The following CDH18 variants were observed in gnomAD, a reference collection of about 807,000 sequenced individuals.
CDH18 encodes the protein cadherin 18.
Under a neutral mutation model 67.9 loss-of-function variants are expected in CDH18, and 31 were observed. The ratio of observed to expected loss-of-function variants is 0.46; its 90% CI spans 0.34 to 0.62. The LOEUF (loss-of-function observed/expected upper bound fraction) is 0.62, where lower values mean the gene tolerates loss of function less well. Ranked by LOEUF, CDH18 falls within the 20% of genes least tolerant of loss-of-function variation. The probability of loss-of-function intolerance (pLI) is 0.01; values close to 1 mark genes in which losing one functional copy is unlikely to be tolerated. For synonymous variants in CDH18, 362 were observed against 347.2 expected, an observed-to-expected ratio of 1.04 and a Z score of -0.48; for missense variants, 890 against 975.5, an observed-to-expected ratio of 0.91 and a Z score of 1.17.
intron 2 of CDH18, among the ~76,000 whole-genome samples, chr5:20,123,339 G>C (rs1288399720): frequency 3.3e-5 from 5 of 152,144 alleles, no homozygotes; most frequent in African/African-American, 1.2e-4. Flanking sequence ...GAGAACGCTG[G>C]AGGCTGTGTT....
intron 1 of CDH18, among the ~76,000 whole-genome samples, chr5:20,352,624 CAAAAAAAA>C (rs35947411): frequency 2.2e-5 from 2 of 89,118 alleles, no homozygotes; most frequent in African/African-American, 7.6e-5. Context: ...ACTAAAAATA[CAAAAAAAA>C]AAAAAAAAAA....
At chr5:20,377,156 C>T (rs146257463) in intron 1 of CDH18, among the ~76,000 whole-genome samples, 2,219 of 152,212 alleles carry the variant, frequency 0.015, 53 homozygotes, top group African/African-American at 0.05. Context: ...GGTTTCAATA[C>T]CATTTTTCAA....
intron 1 of CDH18, among the ~76,000 whole-genome samples, chr5:20,410,319 G>T (rs1479886381): frequency 6.6e-6 from 1 of 151,772 alleles, no homozygotes; most frequent in Non-Finnish European, 1.5e-5. Flanking sequence ...GGGATGTAAA[G>T]ATGATTTATA....
At chr5:20,025,206 C>T (rs538835401) in intron 2 of CDH18, among the ~76,000 whole-genome samples, 12 of 152,204 alleles carry the variant, frequency 7.9e-5, no homozygotes, top group African/African-American at 2.2e-4. Flanking sequence ...TGAAAAATTC[C>T]GCCTTTCAAT....
At chr5:19,962,395 A>AAAAAAATAAAAAAAAAAAAAAAAAAAAT (rs58319680) in intron 2 of CDH18, among the ~76,000 whole-genome samples, 1 of 117,058 alleles carries the variant, frequency 8.5e-6, no homozygotes, top group Non-Finnish European at 1.7e-5. Flanking sequence ...AAAAAAAAAA[A>AAAAAAATAAAAAAAAAAAAAAAAAAAAT]AGAAAATTCA....
At chr5:19,573,600 G>T (rs1342857729) in intron 7 of CDH18, among the ~76,000 whole-genome samples, 1 of 151,782 alleles carries the variant, frequency 6.6e-6, no homozygotes, top group Non-Finnish European at 1.5e-5. Flanking sequence ...ACTCTTAATT[G>T]GATCCACACA....
chr5:20,357,518 C>T (rs1025430562), intron 1 of CDH18, among the ~76,000 whole-genome samples: 2 of 152,048 alleles, frequency 1.3e-5, no homozygotes, highest in Non-Finnish European at 2.9e-5. Context: ...AAACACTTCT[C>T]AAAACAAGAT....
chr5:19,641,859 G>T (rs922932890), intron 5 of CDH18, among the ~76,000 whole-genome samples: 3 of 151,442 alleles, frequency 2.0e-5, no homozygotes, highest in Non-Finnish European at 4.4e-5. Context: ...TAAAATAAAA[G>T]GTACCCAAAT....
At chr5:20,500,624 T>C (rs2063222) in intron 1 of CDH18, among the ~76,000 whole-genome samples, 72,396 of 151,948 alleles carry the variant, frequency 0.48, 17,456 homozygotes, top group East Asian at 0.56. Context: ...GCTCCTTTAG[T>C]AAGTATGCTG....
intron 3 of CDH18, among the ~76,000 whole-genome samples, chr5:19,776,147 G>T (rs1774341927): frequency 6.6e-6 from 1 of 151,942 alleles, no homozygotes; most frequent in Non-Finnish European, 1.5e-5. Flanking sequence ...AATATTAAGG[G>T]GATCAAAATT....
intron 5 of CDH18, among the ~76,000 whole-genome samples, chr5:19,661,519 G>A (rs11745155): frequency 0.6 from 91,713 of 151,624 alleles, 29,282 homozygotes; most frequent in South Asian, 0.74. Context: ...AACAAAACTA[G>A]GGAGAGGGTA....
intron 2 of CDH18, among the ~76,000 whole-genome samples, chr5:19,851,191 G>A (rs1783644118): frequency 6.6e-6 from 1 of 151,576 alleles, no homozygotes. Flanking sequence ...GCTGCACTGT[G>A]GTCCTATAAA....
rs570871439 is a variant in CDH18, at chr5:20,060,301, C to T, written c.-517-68287G>A. Among the ~76,000 whole-genome samples the T allele has an allele frequency of 4.3e-4, 66 of 151,962 alleles. No individual in the cohort carries two copies. The South Asian group carries it at 0.01, about 24-fold the overall frequency. ...CCAACATGATGAAACCCCGTCTCTACTAAAAATGCAAAAATCAGCCCAGCA... is the reference window on the plus strand; with the variant it reads ...CCAACATGATGAAACCCCGTCTCTATTAAAAATGCAAAAATCAGCCCAGCA... On this transcript the variant is annotated intron_variant, in intron 2 of 14. Transcript: ENST00000507958.
chr5:19,805,898 G>C (rs1777986403), intron 3 of CDH18, among the ~76,000 whole-genome samples: 1 of 152,038 alleles, frequency 6.6e-6, no homozygotes, highest in Non-Finnish European at 1.5e-5. Flanking sequence ...TTACCACTTG[G>C]TAATCTCCCA....
At chr5:20,383,598 G>T (rs1744084993) in intron 1 of CDH18, among the ~76,000 whole-genome samples, 1 of 152,052 alleles carries the variant, frequency 6.6e-6, no homozygotes, top group Non-Finnish European at 1.5e-5. Flanking sequence ...CTGATCAACT[G>T]GCATAAAATG....
chr5:19,890,028 T>G (rs552740620), intron 2 of CDH18, among the ~76,000 whole-genome samples: 1 of 152,146 alleles, frequency 6.6e-6, no homozygotes, highest in Admixed American at 6.6e-5. Flanking sequence ...TATAATCAAA[T>G]TACCACAAAC....
At chr5:19,530,563 C>G (rs1389517724) in intron 9 of CDH18, among the ~76,000 whole-genome samples, 1 of 152,032 alleles carries the variant, frequency 6.6e-6, no homozygotes, top group East Asian at 1.9e-4. Flanking sequence ...AGGTATATCT[C>G]CCAGTGCTAT....
intron 9 of CDH18, among the ~76,000 whole-genome samples, chr5:19,539,497 G>A (rs904591112): frequency 2.0e-5 from 3 of 152,074 alleles, no homozygotes; most frequent in Non-Finnish European, 2.9e-5. Context: ...GAGTGAGGTA[G>A]TGAAAAAAAA....
intron 1 of CDH18, among the ~76,000 whole-genome samples, chr5:20,418,001 T>G (rs1747466972): frequency 6.6e-6 from 1 of 152,184 alleles, no homozygotes; most frequent in Non-Finnish European, 1.5e-5. Context: ...AGATTCACAC[T>G]ACAGAAATGA....
Sources: gnomAD v4.1 joint callset for allele counts (sites outside exome capture counted in the v4.1 genomes callset) on GRCh38, gnomAD v4.1.1 for gene constraint, MANE v1.5 for transcripts, NCBI Gene and HGNC (gene_info 2026-07-23, HGNC 2026-07-21) for gene names.